HTR3E: variants seen among roughly 807,000 people sequenced by gnomAD.
HTR3E encodes 5-hydroxytryptamine receptor 3E.
A neutral mutation model predicts 38.0 loss-of-function variants in HTR3E; 38 were observed. The ratio of observed to expected loss-of-function variants is 1.00; its 90% confidence interval spans 0.77 to 1.31. The LOEUF (loss-of-function observed/expected upper bound fraction) is 1.31. HTR3E is among the 50% of genes most tolerant of loss of function. The probability of loss-of-function intolerance (pLI) is 0.00; values close to 1 mark genes in which losing one functional copy is unlikely to be tolerated. For synonymous variants in HTR3E, 210 were observed against 232.9 expected, an observed-to-expected ratio of 0.90 and a Z score of 0.89; for missense variants, 547 against 585.2, an observed-to-expected ratio of 0.93 and a Z score of 0.67.
intron 4 of HTR3E, 86 bp downstream of exon 4, chr3:184,104,377 G>C (rs1429651744): frequency 1.3e-6 from 2 of 1,528,720 alleles, no homozygotes; most frequent in Non-Finnish European, 1.8e-6. Flanking sequence ...ACTGTAAGTG[G>C]TCTTTAGATG....
rs1300799785 is a variant in HTR3E at position 184,106,705 on chromosome 3, C to T, written c.*12C>T. Reference sequence around the variant, plus strand: ...TCTGGAACACCTAGGCAGGTGCTCACCTGCCAACTTCAGTCTGGAGCTTCT... The same window carrying T: ...TCTGGAACACCTAGGCAGGTGCTCATCTGCCAACTTCAGTCTGGAGCTTCT... On this transcript the variant is annotated 3_prime_UTR_variant, in exon 9 of 9. Transcript: ENST00000415389. The surrounding 1 kb of genome is among the most constrained non-coding windows in gnomAD (Gnocchi z 4.1). The T allele has an allele frequency of 1.2e-6, 2 of 1,613,248 alleles. No homozygotes were observed. Among genetic ancestry groups the T allele is most frequent in the East Asian group, 2.2e-5 (1 of 44,890 alleles).
chr3:184,105,135 C>A, intron 5 of HTR3E, 132 bp from the exon 6 acceptor site: 1 of 1,203,278 alleles, frequency 8.3e-7, no homozygotes, highest in Non-Finnish European at 1.1e-6. Context: ...CCATCCCAAG[C>A]TCCTGGCAAG....
Position 184,104,957 on chromosome 3 carries a change from G to A in HTR3E, c.559+1G>A. The A allele has an allele frequency of 6.2e-7, 1 of 1,610,604 alleles. No individual in the cohort carries two copies. Among genetic ancestry groups the A allele is most frequent in the East Asian group, 2.2e-5 (1 of 44,646 alleles). ...ACCTTCAGCTCATTCCTCTACACAG[G>A]TAAGTTGCAGTGAGGTCTCAGGGAT... is the stretch of plus-strand genomic sequence containing the variant. On this transcript the variant is annotated splice_donor_variant, in intron 5 of 8. Transcript: ENST00000415389. LOFTEE classifies it high-confidence loss of function.
chr3:184,099,390 A>AAAAAACCCCC (rs918506912), intron 1 of HTR3E, among the ~76,000 whole-genome samples: 1 of 151,996 alleles, frequency 6.6e-6, no homozygotes, highest in Admixed American at 6.6e-5. Flanking sequence ...TCGCTGTCTC[A>AAAAAACCCCC]AAAAACCCCC....
intron 1 of HTR3E, 68 bp downstream of exon 1, chr3:184,097,664 AC>A (rs1711736304): frequency 9.7e-6 from 12 of 1,236,886 alleles, no homozygotes; most frequent in Non-Finnish European, 1.4e-5. Flanking sequence ...ACATCTAGGA[AC>A]TTTTTTCAAA....
In HTR3E at chr3:184,100,537, G is replaced by T; in HGVS notation, c.120G>T (p.Ala40=). 1 of 1,614,110 alleles carries T rather than the reference G, an allele frequency of 6.2e-7. No homozygotes were observed. The change falls in exon 2 of 9, where the codon GCG becomes GCT. Residue 40 remains alanine, a synonymous_variant. Coordinates refer to ENST00000415389, the MANE Select transcript of HTR3E (RefSeq NM_001256613.2). The part of the protein sequence containing the change: ...INCSGFGQHG[A]DPTALNSVFN... ...GCTCAGGGTTTGGCCAGCACGGGGC[G>T]GATCCCACTGCTCTGAATTCAGTGT... is the stretch of plus-strand genomic sequence containing the variant.
rs776278847 is a variant in HTR3E at position 184,105,336 on chromosome 3, A to G, written c.629A>G (p.Gln210Arg). The G allele has an allele frequency of 1.9e-6, 3 of 1,614,206 alleles. No homozygotes were observed. The highest frequency in any genetic ancestry group is 1.6e-4 in the Middle Eastern group (1 of 6,062). ...EITDASRNIL[Q>R]THGEWELLGL... The stretch of plus-strand genomic sequence containing the variant: ...ACAGACGCATCCCGGAACATCCTTC[A>G]GACCCATGGAGAATGGGAGCTCCTG... Residue 210 changes from glutamine (Q) to arginine (R), a missense_variant, in exon 6 of 9, where the codon CAG becomes CGG. By Grantham distance (43) the Gln-to-Arg change is conservative (BLOSUM62 1). Coordinates refer to ENST00000415389, the MANE Select transcript of HTR3E (RefSeq NM_001256613.2).
chr3:184,101,356 A>C, intron 2 of HTR3E, 129 bp from the exon 3 acceptor site: 1 of 816,542 alleles, frequency 1.2e-6, no homozygotes, highest in East Asian at 2.4e-5. Context: ...GGGTTTGGAT[A>C]GAGCTTTTGT....
At chr3:184,100,249 G>A in intron 1 of HTR3E, 1 of 1,359,896 alleles carries the variant, frequency 7.4e-7, no homozygotes, top group Non-Finnish European at 9.9e-7. Context: ...TTGCACCTTA[G>A]TTAGCTCGTT....
At chr3:184,097,638 A>G in intron 1 of HTR3E, 42 bp downstream of exon 1, 3 of 1,450,012 alleles carry the variant, frequency 2.1e-6, no homozygotes, top group Non-Finnish European at 2.8e-6. Flanking sequence ...AAGAAGGAGG[A>G]CCTCTCTCTA....
intron 1 of HTR3E, among the ~76,000 whole-genome samples, chr3:184,099,893 G>A (rs1345454918): frequency 6.6e-6 from 1 of 152,088 alleles, no homozygotes; most frequent in African/African-American, 2.4e-5. Context: ...TTCTCTCCGG[G>A]GCCCCGGGAC....
chr3:184,097,946 A>C (rs114294545), intron 1 of HTR3E, among the ~76,000 whole-genome samples: 8 of 152,178 alleles, frequency 5.3e-5, no homozygotes, highest in Non-Finnish European at 1.0e-4. Flanking sequence ...ACCATCCACG[A>C]TCGTCTTCTC....
chr3:184,106,343 G>A lies in HTR3E; in HGVS notation c.1141G>A (p.Gly381Ser), dbSNP rs184749007. Residue 381 changes from glycine (G) to serine (S), a missense_variant and splice_region_variant, in exon 8 of 9, where the codon GGT becomes AGT. Gly to Ser is a moderately conservative substitution (Grantham distance 56). Coordinates refer to ENST00000415389, the MANE Select transcript of HTR3E (RefSeq NM_001256613.2). This position sits in a 1 kb window ranked among gnomAD's most constrained non-coding sequence, Gnocchi z 4.1. Reference sequence around the variant, plus strand: ...GGGTCTCACCCCCACCCACCTGCCCGGTGAGGGAAGTCACATTCCTCTTCC... The same window carrying A: ...GGGTCTCACCCCCACCCACCTGCCCAGTGAGGGAAGTCACATTCCTCTTCC... ...GPGLTPTHLPGVKEPEVSAGQ... is the reference protein window; with the variant it reads ...GPGLTPTHLPSVKEPEVSAGQ... 56 of 1,606,492 alleles carry A rather than the reference G, an allele frequency of 3.5e-5. No homozygotes were observed. Among genetic ancestry groups the A allele is most frequent in the Middle Eastern group, 1.7e-4 (1 of 5,962 alleles).
chr3:184,097,200 ATGTC>A lies in HTR3E; in HGVS notation c.-327_-324del, dbSNP rs1442762135. Reference sequence around the variant, plus strand: ...AATAGAGGAAGTGAAACATTTATAAATGTCTGAGAATTTTCCAAAATTGAAGAGA... The same window carrying A: ...AATAGAGGAAGTGAAACATTTATAAATGAGAATTTTCCAAAATTGAAGAGA... On this transcript the variant is annotated 5_prime_UTR_variant, in exon 1 of 9. An upstream open reading frame in the 5' UTR loses its in-frame stop. Transcript: ENST00000415389. 1.1e-5 allele frequency: 2 copies of A among 187,372 alleles called. No individual in the cohort carries two copies. The highest frequency in any genetic ancestry group is 1.1e-5 in the Non-Finnish European group (1 of 91,460). The allele number at this position is 187,372 out of a possible 1,614,324, so 11.6% of individuals were successfully genotyped here. A position where few individuals can be genotyped will look rare whatever the true frequency, so the allele number is the denominator to read the frequency against.
rs1370146882 is a variant in HTR3E at position 184,105,301 on chromosome 3, G to A, written c.594G>A (p.Val198=). ...DSMLLDMEKE[V]WEITDASRNI... The stretch of plus-strand genomic sequence containing the variant: ...TGTTGCTGGACATGGAGAAAGAAGT[G>A]TGGGAAATAACAGACGCATCCCGGA... Residue 198 remains valine, a synonymous_variant, in exon 6 of 9, where the codon GTG becomes GTA. Transcript: ENST00000415389. The A allele has an allele frequency of 6.2e-7, 1 of 1,613,824 alleles. No homozygotes were observed. The highest frequency in any genetic ancestry group is 1.7e-5 in the Admixed American group (1 of 59,900).
At chr3:184,100,040 T>G (rs1470471529) in intron 1 of HTR3E, 5 of 974,088 alleles carry the variant, frequency 5.1e-6, no homozygotes, top group Admixed American at 9.4e-5. Context: ...TTCCAGAATT[T>G]GCATTCCAGC....
intron 3 of HTR3E, among the ~76,000 whole-genome samples, chr3:184,103,754 G>A (rs12634789): frequency 0.32 from 48,515 of 150,370 alleles, 8,429 homozygotes; most frequent in South Asian, 0.46. Context: ...CCGAGATCAC[G>A]CCACTGCACT....
In HTR3E at chr3:184,106,745, C is replaced by T; in HGVS notation, c.*52C>T. On this transcript the variant is annotated 3_prime_UTR_variant, in exon 9 of 9. Coordinates refer to ENST00000415389, the MANE Select transcript of HTR3E (RefSeq NM_001256613.2). The surrounding 1 kb of genome is among the most constrained non-coding windows in gnomAD (Gnocchi z 4.1). ...CTGGAGCTTCTCTTGCCTCCAGGGACTGGCCAGGTCTCCCCCCTTTCCTGA... is the reference window on the plus strand; with the variant it reads ...CTGGAGCTTCTCTTGCCTCCAGGGATTGGCCAGGTCTCCCCCCTTTCCTGA... The T allele has an allele frequency of 1.9e-6, 3 of 1,574,562 alleles. No homozygotes were observed.
rs778077335 is a variant in HTR3E at position 184,106,360 on chromosome 3, T to A, written c.1141+17T>A. The A allele has an allele frequency of 1.9e-6, 3 of 1,596,674 alleles. No homozygotes were observed. In the South Asian group the frequency reaches 3.4e-5, roughly 18 times the overall value. ...ACCTGCCCGGTGAGGGAAGTCACAT[T>A]CCTCTTCCCCCACCTCCACTTCTCT... On this transcript the variant is annotated intron_variant, in intron 8 of 8. Coordinates refer to ENST00000415389, the MANE Select transcript of HTR3E (RefSeq NM_001256613.2). This position sits in a 1 kb window ranked among gnomAD's most constrained non-coding sequence, Gnocchi z 4.1.
Sources: allele counts gnomAD v4.1 joint callset (sites outside exome capture counted in the v4.1 genomes callset), GRCh38; gene constraint gnomAD v4.1.1; non-coding constraint Gnocchi (gnomAD v3.1); transcripts MANE v1.5; gene names NCBI Gene and HGNC (gene_info 2026-07-23, HGNC 2026-07-21).